The following USP34 variants were observed in gnomAD, a reference collection of about 807,000 sequenced individuals.
USP34 encodes the protein ubiquitin carboxyl-terminal hydrolase 34.
A neutral mutation model predicts 460.3 loss-of-function variants in USP34; 70 were observed. The observed-to-expected ratio is 0.15, with a 90% CI of 0.13 to 0.19. The LOEUF is 0.19. USP34 is among the 10% of genes least tolerant of loss of function. The pLI, the probability that USP34 is intolerant of heterozygous loss-of-function variation, is 1.00. For missense variants in USP34, 3,985 were observed against 4,236.2 expected, an observed-to-expected ratio of 0.94 and a Z score of 1.65; for synonymous variants, 1,647 against 1,405.3, an observed-to-expected ratio of 1.17 and a Z score of -3.85.
At chr2:61,234,323 T>C (rs967296423) in intron 57 of USP34, among the ~76,000 whole-genome samples, 1 of 152,240 alleles carries the variant, frequency 6.6e-6, no homozygotes, top group Non-Finnish European at 1.5e-5. Flanking sequence ...CTTGCCTTCC[T>C]ATGGAGATTT....
chr2:61,233,179 T>C (rs531536026), intron 57 of USP34, among the ~76,000 whole-genome samples: 1 of 152,196 alleles, frequency 6.6e-6, no homozygotes, highest in Admixed American at 6.5e-5. Context: ...TAATATGTGA[T>C]ATGAGCATGA....
At chr2:61,313,055 T>G in intron 25 of USP34, among the ~76,000 whole-genome samples, 1 of 152,180 alleles carries the variant, frequency 6.6e-6, no homozygotes. Flanking sequence ...AACAAAATTT[T>G]GCATGAAAAA....
At chr2:61,275,942 A>G (rs1297003023) in intron 41 of USP34, among the ~76,000 whole-genome samples, 1 of 152,206 alleles carries the variant, frequency 6.6e-6, no homozygotes, top group Admixed American at 6.5e-5. Context: ...ATAAAGAGAA[A>G]TAAGACTTTG....
At chr2:61,404,048 A>G (rs572334604) in intron 3 of USP34, among the ~76,000 whole-genome samples, 1 of 151,254 alleles carries the variant, frequency 6.6e-6, no homozygotes, top group Admixed American at 6.6e-5. Flanking sequence ...AGAAGGACAG[A>G]AAGTACAACT....
At chr2:61,346,526 T>C (rs1183882771) in intron 15 of USP34, among the ~76,000 whole-genome samples, 5 of 65,698 alleles carry the variant, frequency 7.6e-5, no homozygotes, top group African/African-American at 2.2e-4. Context: ...ACCCTATCTC[T>C]TAAAAAAAAA....
At chr2:61,196,038 C>T (rs1686793983) in intron 75 of USP34, among the ~76,000 whole-genome samples, 2 of 143,816 alleles carry the variant, frequency 1.4e-5, no homozygotes, top group South Asian at 2.3e-4. Context: ...TCCTGAGTAG[C>T]TGGGACTACA....
intron 21 of USP34, among the ~76,000 whole-genome samples, chr2:61,322,845 T>C (rs1690968058): frequency 6.6e-6 from 1 of 152,086 alleles, no homozygotes; most frequent in Non-Finnish European, 1.5e-5. Flanking sequence ...AACACATTAA[T>C]TAAGGAGAAC....
chr2:61,301,958 GAAGGAAAGGAAA>G (rs1690240031), intron 27 of USP34, among the ~76,000 whole-genome samples: 2 of 151,904 alleles, frequency 1.3e-5, no homozygotes, highest in African/African-American at 4.8e-5. Flanking sequence ...AAAAGAGAGG[GAAGGAAAGGAAA>G]AAGGAAAGAA....
intron 34 of USP34, among the ~76,000 whole-genome samples, chr2:61,286,297 G>A (rs1434506543): frequency 6.6e-6 from 1 of 151,916 alleles, no homozygotes; most frequent in East Asian, 1.9e-4. Flanking sequence ...ATACTAAGCT[G>A]GAATTATTTT....
chr2:61,248,405 T>C, intron 49 of USP34, 106 bp downstream of exon 49: 1 of 1,156,146 alleles, frequency 8.6e-7, no homozygotes, highest in Non-Finnish European at 1.2e-6. Context: ...CCTTCTAAGA[T>C]TCAATTTTTG....
At position 61,348,173 on chromosome 2, in the gene USP34, A is replaced by G. The variant is rs6722430; in HGVS notation, c.1982T>C (p.Met661Thr). 1,588,662 of 1,614,212 alleles carry G rather than the reference A, an allele frequency of 0.98. 781,812 individuals carry two copies. Among genetic ancestry groups the G allele is most frequent in the East Asian group, 1 (44,874 of 44,878 alleles). ...AGICLGDSQG[M>T]SERNGTSSGT... is the part of the protein sequence containing the mutation. Reference sequence around the variant, plus strand: ...GCTGCTTGTCCCATTTCTTTCTGACATGCCTTGGGAGTCCCCCAGGCAAAT... The same window carrying G: ...GCTGCTTGTCCCATTTCTTTCTGACGTGCCTTGGGAGTCCCCCAGGCAAAT... Residue 661 changes from methionine (M) to threonine (T), a missense_variant, in exon 15 of 80, where the codon ATG becomes ACG. This residue lies in a region of USP34 where 716 missense variants were observed against 626.2 expected (regional missense o/e 1.14). Transcript: ENST00000398571.
At chr2:61,241,496 A>G (rs1160790888) in intron 53 of USP34, 64 bp downstream of exon 53, 14 of 1,195,582 alleles carry the variant, frequency 1.2e-5, no homozygotes, top group Middle Eastern at 2.5e-4. Flanking sequence ...CTTACACTAC[A>G]GTATTCCTTG....
chr2:61,232,895 G>T (rs1176796382), intron 57 of USP34, among the ~76,000 whole-genome samples: 5 of 103,626 alleles, frequency 4.8e-5, no homozygotes, highest in Admixed American at 4.6e-4. Context: ...TTTTGAGACA[G>T]ATCTTGCTCC....
At chr2:61,283,107 C>G in intron 37 of USP34, 38 bp downstream of exon 37, 2 of 1,594,508 alleles carry the variant, frequency 1.3e-6, no homozygotes, top group East Asian at 4.5e-5. Flanking sequence ...TGAAAACATA[C>G]AAAAAATAAC....
At chr2:61,391,123 A>G (rs1693332642) in intron 5 of USP34, among the ~76,000 whole-genome samples, 1 of 151,480 alleles carries the variant, frequency 6.6e-6, no homozygotes, top group Non-Finnish European at 1.5e-5. Flanking sequence ...AACACTCACC[A>G]TCTGACAAAG....
chr2:61,318,628 C>T lies in USP34; in HGVS notation c.3168+545G>A, dbSNP rs985000089. On this transcript the variant is annotated intron_variant, in intron 22 of 79. Coordinates refer to ENST00000398571, the MANE Select transcript of USP34 (RefSeq NM_014709.4). ...AAAATTCAATTGGGAATAGTTCATT[C>T]AGAAAAATGTCACCTGAACTGTGGC... 2.0e-5 allele frequency among the ~76,000 whole-genome samples: 3 copies of T among 152,120 alleles called. No homozygotes were observed. In the South Asian group the frequency reaches 6.2e-4, roughly 32 times the overall value.
Position 61,248,513 on chromosome 2 carries a change from T to C in USP34, c.6392A>G (p.Glu2131Gly). 6.4e-7 allele frequency: 1 copy of C among 1,553,246 alleles called. No homozygotes were observed. The highest frequency in any genetic ancestry group is 1.2e-5 in the South Asian group (1 of 82,880). Residue 2131 changes from glutamate (E) to glycine (G), a missense_variant and splice_region_variant, in exon 49 of 80, where the codon GAA becomes GGA. Glu to Gly is a moderately conservative substitution (Grantham distance 98). Coordinates refer to ENST00000398571, the MANE Select transcript of USP34 (RefSeq NM_014709.4). ...AGAGAAAGAAATGAAAAAATCACCT[T>C]CTTTCCTCTCACTCTTTCCCATAAG... Reference protein sequence around the residue: ...DFLMGKSERKEGFKEVSDHSK... With the variant: ...DFLMGKSERKGGFKEVSDHSK...
At chr2:61,195,620 C>A (rs764048777) in intron 75 of USP34, among the ~76,000 whole-genome samples, 1 of 151,966 alleles carries the variant, frequency 6.6e-6, no homozygotes, top group African/African-American at 2.4e-5. Context: ...TGCAATGAGA[C>A]GAGATTGTGC....
chr2:61,388,170 G>T (rs1218996525), intron 5 of USP34, among the ~76,000 whole-genome samples: 2 of 151,944 alleles, frequency 1.3e-5, no homozygotes, highest in Non-Finnish European at 2.9e-5. Flanking sequence ...CTGAGCCCAG[G>T]AAGTGGAGGT....
Sources: allele counts gnomAD v4.1 joint callset (sites outside exome capture counted in the v4.1 genomes callset), GRCh38; gene constraint gnomAD v4.1.1; regional missense constraint gnomAD v4.1.1; transcripts MANE v1.5; gene names NCBI Gene and HGNC (gene_info 2026-07-23, HGNC 2026-07-21).